Variants in OGDHL observed in about 807,000 individuals in gnomAD.
OGDHL encodes the protein oxoglutarate dehydrogenase L.
OGDHL carries 79 observed loss-of-function variants against 109.6 expected under a neutral mutation model. That is an observed-to-expected ratio of 0.72 (90% CI 0.60 to 0.87). The LOEUF is 0.87. OGDHL is among the 40% of genes least tolerant of loss of function. OGDHL has a pLI of 0.00. For synonymous variants in OGDHL, 528 were observed against 537.2 expected, an observed-to-expected ratio of 0.98 and a Z score of 0.24; for missense variants, 1,275 against 1,362.2, an observed-to-expected ratio of 0.94 and a Z score of 1.01.
At chr10:49,744,266 C>A (rs1306364407) in intron 13 of OGDHL, 144 bp from the exon 14 acceptor site, 5 of 1,034,926 alleles carry the variant, frequency 4.8e-6, no homozygotes, top group Non-Finnish European at 6.9e-6. Flanking sequence ...CCCTTGGGAC[C>A]TGGGACAGCT....
At chr10:49,748,863 C>T (rs527842859) in intron 8 of OGDHL, among the ~76,000 whole-genome samples, 1 of 152,026 alleles carries the variant, frequency 6.6e-6, no homozygotes, top group African/African-American at 2.4e-5. Flanking sequence ...GGCTCACTGC[C>T]CAGGGGACCC....
chr10:49,739,931 G>A, intron 16 of OGDHL, 92 bp from the exon 17 acceptor site: 3 of 1,301,264 alleles, frequency 2.3e-6, no homozygotes, highest in Admixed American at 2.3e-5. Context: ...TATCCTCCAT[G>A]CCCCCACCCA....
At chr10:49,738,769 C>G (rs1014509758) in intron 17 of OGDHL, 1 of 166,280 alleles carries the variant, frequency 6.0e-6, no homozygotes, top group Non-Finnish European at 1.3e-5. Flanking sequence ...CCACACGGAC[C>G]GCTCTGCTCC....
intron 3 of OGDHL, 26 bp downstream of exon 3, chr10:49,756,750 C>T (rs1482492766): frequency 6.2e-7 from 1 of 1,602,322 alleles, no homozygotes; most frequent in Admixed American, 1.7e-5. Flanking sequence ...TGCAGCCTCC[C>T]AGGCTGTGCC....
intron 7 of OGDHL, 134 bp downstream of exon 7, chr10:49,750,705 A>C: frequency 7.9e-7 from 1 of 1,264,186 alleles, no homozygotes. Flanking sequence ...CCCAGGACTC[A>C]GAACTTTCCA....
intron 14 of OGDHL, 73 bp downstream of exon 14, chr10:49,743,921 A>T: frequency 6.4e-7 from 1 of 1,557,868 alleles, no homozygotes; most frequent in Non-Finnish European, 8.7e-7. Flanking sequence ...TTGCATCCCA[A>T]CCAATCTCCC....
chr10:49,746,883 A>G lies in OGDHL; in HGVS notation c.1168-5T>C. The G allele has an allele frequency of 6.2e-7, 1 of 1,614,046 alleles. No homozygotes were observed. Among genetic ancestry groups the G allele is most frequent in the African/African-American group, 1.3e-5 (1 of 75,046 alleles). On this transcript the variant is annotated splice_polypyrimidine_tract_variant and splice_region_variant and intron_variant, in intron 9 of 22. Transcript: ENST00000374103. ...ATGAACCAGGATGGACATGACCTGC[A>G]GGGCAGGTGTGAGCCAGGAGGGGCT...
chr10:49,755,446 G>A (rs148368896), intron 3 of OGDHL, among the ~76,000 whole-genome samples: 63 of 152,324 alleles, frequency 4.1e-4, no homozygotes, highest in African/African-American at 1.3e-3. Context: ...AGCAGTGAGC[G>A]GGGGCTAAGG....
intron 3 of OGDHL, 55 bp downstream of exon 3, chr10:49,756,721 G>C (rs1205124739): frequency 6.5e-7 from 1 of 1,532,188 alleles, no homozygotes. Flanking sequence ...TCAGTGCCTG[G>C]CCACACCCCA....
In OGDHL at chr10:49,739,654, C is replaced by A. The variant is rs1359939988; in HGVS notation, c.2319+7G>T. 1.2e-6 allele frequency: 2 copies of A among 1,611,950 alleles called. No homozygotes were observed. ...ACCAAGCCACCAGCCACCACCGCAG[C>A]CCTCACCATGCCTTCCATGCCATGG... On this transcript the variant is annotated splice_region_variant and intron_variant, in intron 17 of 22. Transcript: ENST00000374103.
rs777064432 is a variant in OGDHL at position 49,738,213 on chromosome 10, T to C, written c.2369A>G (p.Asn790Ser). The change falls in exon 18 of 23, where the codon AAT becomes AGT. Residue 790 changes from asparagine to serine, a missense_variant. By Grantham distance (46) the Asn-to-Ser change is conservative. Coordinates refer to ENST00000374103, the MANE Select transcript of OGDHL (RefSeq NM_018245.3). ...CACAGGGTAGGCATCCGAGTCATCA[T>C]TGCTCATCTGCAGGAACCTTTCGGG... ...ARPERFLQMS[N>S]DDSDAYPAFT... 12 of 1,613,856 alleles carry C rather than the reference T, an allele frequency of 7.4e-6. No homozygotes were observed. Among genetic ancestry groups the C allele is most frequent in the South Asian group, 5.5e-5 (5 of 91,064 alleles).
At chr10:49,750,208 A>AT (rs1842489540) in intron 7 of OGDHL, among the ~76,000 whole-genome samples, 3 of 152,110 alleles carry the variant, frequency 2.0e-5, no homozygotes, top group Admixed American at 6.5e-5. Flanking sequence ...GTCACGGGAA[A>AT]AGCCCAGGGC....
rs748064540 is a variant in OGDHL, at chr10:49,736,169, T to C, written c.2763A>G (p.Pro921=). The change falls in exon 22 of 23, where the codon CCA becomes CCG. Residue 921 remains proline, a synonymous_variant. Coordinates refer to ENST00000374103, the MANE Select transcript of OGDHL (RefSeq NM_018245.3). The part of the protein sequence containing the change: ...VAITRLEQIS[P]FPFDLIKQEA... Reference sequence around the variant, plus strand: ...CCTGCTTGATCAGGTCGAAGGGGAATGGAGAGATCTGGGGAGGCAGAAACA... The same window carrying C: ...CCTGCTTGATCAGGTCGAAGGGGAACGGAGAGATCTGGGGAGGCAGAAACA... The C allele has an allele frequency of 1.3e-6, 2 of 1,592,994 alleles. No homozygotes were observed. Among genetic ancestry groups the C allele is most frequent in the South Asian group, 2.3e-5 (2 of 86,556 alleles).
intron 1 of OGDHL, chr10:49,758,813 C>G (rs911455373): frequency 1.8e-5 from 11 of 596,600 alleles, no homozygotes; most frequent in Non-Finnish European, 3.3e-5. Context: ...AGATATCAAA[C>G]AGCCCTGAGC....
At chr10:49,745,561 A>C in intron 11 of OGDHL, 65 bp from the exon 12 acceptor site, 3 of 1,594,888 alleles carry the variant, frequency 1.9e-6, no homozygotes, top group Non-Finnish European at 2.6e-6. Flanking sequence ...AGCTGCTGCA[A>C]AATTGGGGAA....
chr10:49,760,555 C>T (rs1843207572), intron 1 of OGDHL, among the ~76,000 whole-genome samples: 1 of 152,228 alleles, frequency 6.6e-6, no homozygotes, highest in Admixed American at 6.5e-5. Flanking sequence ...TTTATCATCC[C>T]CAGTCTATGG....
chr10:49,749,370 A>C (rs192493960), intron 8 of OGDHL, among the ~76,000 whole-genome samples: 3 of 152,266 alleles, frequency 2.0e-5, no homozygotes, highest in African/African-American at 7.2e-5. Flanking sequence ...ACAAATGAGC[A>C]AGGGAGTCAT....
intron 7 of OGDHL, among the ~76,000 whole-genome samples, chr10:49,750,202 C>T (rs1012036035): frequency 1.3e-5 from 2 of 152,180 alleles, no homozygotes; most frequent in African/African-American, 2.4e-5. Context: ...TCTCTGGTCA[C>T]GGGAAAAGCC....
Position 49,756,612 on chromosome 10 carries a change from G to A in OGDHL, c.375+164C>T. 8.1e-6 allele frequency: 5 copies of A among 617,236 alleles called. No individual in the cohort carries two copies. In the South Asian group the frequency reaches 1.6e-4, roughly 20 times the overall value. 38.2% of individuals were successfully genotyped at this position (617,236 alleles called of 1,614,324 possible). A position where few individuals can be genotyped will look rare whatever the true frequency, so the allele number is the denominator to read the frequency against. Reference sequence around the variant, plus strand: ...GCAGGTGGTAAGTGCTCTGAATGGTGATGTGGCAAAGACTGGCTAGAGGAG... The same window carrying A: ...GCAGGTGGTAAGTGCTCTGAATGGTAATGTGGCAAAGACTGGCTAGAGGAG... On this transcript the variant is annotated intron_variant, in intron 3 of 22. Coordinates refer to ENST00000374103, the MANE Select transcript of OGDHL (RefSeq NM_018245.3).
Sources: allele counts gnomAD v4.1 joint callset (sites outside exome capture counted in the v4.1 genomes callset), GRCh38; gene constraint gnomAD v4.1.1; transcripts MANE v1.5; gene names NCBI Gene and HGNC (gene_info 2026-07-23, HGNC 2026-07-21).